The following ZDHHC7 variants were observed in gnomAD, a reference collection of about 807,000 sequenced individuals.
The protein encoded by ZDHHC7 is palmitoyltransferase ZDHHC7.
In ZDHHC7, 12 loss-of-function variants were observed where a neutral mutation model predicts 34.1. That is an observed-to-expected ratio of 0.35 (90% CI 0.23 to 0.57). The LOEUF (loss-of-function observed/expected upper bound fraction) is 0.57. ZDHHC7 is among the 20% of genes least tolerant of loss of function. The pLI is 0.84. For missense variants in ZDHHC7, 388 were observed against 402.7 expected (o/e 0.96, Z 0.31); for synonymous variants, 185 against 155.4 (o/e 1.19, Z -1.42).
chr16:84,989,467 G>A (rs191795413), intron 3 of ZDHHC7, among the ~76,000 whole-genome samples: 9 of 152,210 alleles, frequency 5.9e-5, no homozygotes, highest in African/African-American at 1.7e-4. Flanking sequence ...AGGCCAAGGC[G>A]GGTGGATCAC....
rs1039172429 is a variant in ZDHHC7, at chr16:84,995,452, C to T, written c.-18+470G>A. On this transcript the variant is annotated intron_variant, in intron 2 of 7. Coordinates refer to ENST00000313732, the MANE Select transcript of ZDHHC7 (RefSeq NM_017740.3). The stretch of plus-strand genomic sequence containing the variant: ...ACCAGCCTGGCCAACATGGTGAAAC[C>T]CCGTCTCTACCAAAAATATAAAAAT... Among the ~76,000 whole-genome samples, 3 of 152,282 alleles carry T rather than the reference C, an allele frequency of 2.0e-5. No individual in the cohort carries two copies. The South Asian group carries it at 6.2e-4, about 32-fold the overall frequency.
chr16:85,006,183 C>T (rs1382088161), intron 1 of ZDHHC7, among the ~76,000 whole-genome samples: 4 of 151,584 alleles, frequency 2.6e-5, no homozygotes, highest in Non-Finnish European at 5.9e-5. Flanking sequence ...ATAGCGAGAC[C>T]CTATCTCTAC....
intron 1 of ZDHHC7, among the ~76,000 whole-genome samples, chr16:85,006,993 A>C (rs1488753968): frequency 1.3e-5 from 2 of 151,968 alleles, no homozygotes; most frequent in Non-Finnish European, 2.9e-5. Flanking sequence ...AGCACCCACT[A>C]CCTATAAGAC....
chr16:84,990,202 G>A (rs1422014897), intron 3 of ZDHHC7, 102 bp downstream of exon 3: 5 of 1,348,148 alleles, frequency 3.7e-6, no homozygotes, highest in Non-Finnish European at 5.1e-6. Context: ...CCACACCCAT[G>A]TCAATATGTC....
chr16:85,006,747 A>C (rs537932944), intron 1 of ZDHHC7, among the ~76,000 whole-genome samples: 99 of 152,210 alleles, frequency 6.5e-4, no homozygotes, highest in Non-Finnish European at 1.3e-3. Context: ...CAAAAATAGT[A>C]ATAATAAAAA....
intron 1 of ZDHHC7, among the ~76,000 whole-genome samples, chr16:85,010,374 G>GTAAA (rs1331856518): frequency 2.0e-5 from 3 of 152,160 alleles, no homozygotes. Flanking sequence ...TGTAAACACT[G>GTAAA]TAAAACATAA....
intron 2 of ZDHHC7, among the ~76,000 whole-genome samples, chr16:84,995,341 T>G (rs2072562665): frequency 1.3e-5 from 2 of 152,202 alleles, no homozygotes; most frequent in African/African-American, 4.8e-5. Context: ...ACTTTCCGTT[T>G]CAGGCCGGGC....
chr16:84,982,362 C>A (rs752525868), intron 3 of ZDHHC7, among the ~76,000 whole-genome samples: 3 of 148,448 alleles, frequency 2.0e-5, no homozygotes, highest in African/African-American at 5.0e-5. Context: ...AAAAAAAAAT[C>A]ATATATTTTC....
chr16:84,996,600 A>G (rs567905865), intron 1 of ZDHHC7, among the ~76,000 whole-genome samples: 54 of 152,306 alleles, frequency 3.5e-4, no homozygotes, highest in Non-Finnish European at 6.9e-4. Context: ...AAAAAGGTCT[A>G]AAGACTCTGC....
At chr16:84,979,934 C>T (rs1474134087) in intron 4 of ZDHHC7, among the ~76,000 whole-genome samples, 1 of 146,646 alleles carries the variant, frequency 6.8e-6, no homozygotes, top group African/African-American at 2.5e-5. Context: ...GGCAGACTTG[C>T]TATCATAGCG....
chr16:84,990,783 C>A, intron 2 of ZDHHC7, 148 bp from the exon 3 acceptor site: 2 of 693,530 alleles, frequency 2.9e-6, no homozygotes, highest in South Asian at 3.9e-5. Flanking sequence ...TAACTAAGAT[C>A]TGAATTTTTA....
intron 1 of ZDHHC7, among the ~76,000 whole-genome samples, chr16:84,998,705 C>G (rs1213002651): frequency 6.6e-6 from 1 of 151,674 alleles, no homozygotes; most frequent in Non-Finnish European, 1.5e-5. Flanking sequence ...ACTGACACAG[C>G]ACTGGTTCCC....
intron 1 of ZDHHC7, among the ~76,000 whole-genome samples, chr16:85,003,643 C>G (rs2072680137): frequency 6.6e-6 from 1 of 152,166 alleles, no homozygotes. Flanking sequence ...CCAACTCAAG[C>G]CAGATCTCAA....
chr16:85,026,958 TTA>T, the ZDHHC7 span, among the ~76,000 whole-genome samples: 3 of 152,150 alleles, frequency 2.0e-5, no homozygotes, highest in African/African-American at 7.2e-5. Flanking sequence ...GGCTGTCAGT[TTA>T]TGTTTCTATA....
chr16:85,016,263 C>A (rs1255660820), upstream of ZDHHC7, among the ~76,000 whole-genome samples: 2 of 152,002 alleles, frequency 1.3e-5, no homozygotes, highest in South Asian at 2.1e-4. Context: ...CTCACGTGAT[C>A]CTTCCACCTC....
chr16:84,994,074 A>C (rs7185529), intron 2 of ZDHHC7, among the ~76,000 whole-genome samples: 1 of 152,318 alleles, frequency 6.6e-6, no homozygotes, highest in East Asian at 1.9e-4. Flanking sequence ...GGGCACGCTC[A>C]CCAGCTCTCC....
chr16:85,026,962 G>C, the ZDHHC7 span, among the ~76,000 whole-genome samples: 2 of 152,150 alleles, frequency 1.3e-5, no homozygotes, highest in Non-Finnish European at 2.9e-5. Flanking sequence ...GTCAGTTTAT[G>C]TTTCTATACT....
chr16:84,983,338 C>G (rs1025071788), intron 3 of ZDHHC7, among the ~76,000 whole-genome samples: 3 of 152,148 alleles, frequency 2.0e-5, no homozygotes, highest in Non-Finnish European at 4.4e-5. Context: ...AATGCAGGTG[C>G]CTCGCTGGGC....
At chr16:84,977,252 A>G (rs1467861542) in intron 6 of ZDHHC7, 27 bp from the exon 7 acceptor site, 1 of 1,612,864 alleles carries the variant, frequency 6.2e-7, no homozygotes, top group Non-Finnish European at 8.5e-7. Flanking sequence ...GTTGGTTATA[A>G]CTGGTCCTGA....
Sources: allele counts gnomAD v4.1 joint callset (sites outside exome capture counted in the v4.1 genomes callset), GRCh38; gene constraint gnomAD v4.1.1; transcripts MANE v1.5; gene names NCBI Gene and HGNC (gene_info 2026-07-23, HGNC 2026-07-21).